The following ATP13A4 variants were observed in gnomAD, a reference collection of about 807,000 sequenced individuals.
ATP13A4 encodes the protein ATPase 13A4.
A neutral mutation model predicts 142.5 loss-of-function variants in ATP13A4; 114 were observed. The observed-to-expected ratio is 0.80, with a 90% CI of 0.69 to 0.93. The LOEUF is 0.93. ATP13A4 is among the 40% of genes least tolerant of loss of function. The pLI is 0.00. For synonymous variants in ATP13A4, 488 were observed against 514.8 expected (o/e 0.95, Z 0.70); for missense variants, 1,392 against 1,454.0 (o/e 0.96, Z 0.69).
At chr3:193,463,990 G>A (rs1185144227) in intron 12 of ATP13A4, among the ~76,000 whole-genome samples, 2 of 152,206 alleles carry the variant, frequency 1.3e-5, no homozygotes, top group African/African-American at 4.8e-5. Flanking sequence ...ATGAATAGTA[G>A]TGATGGTTGC....
intron 25 of ATP13A4, among the ~76,000 whole-genome samples, chr3:193,424,226 G>T (rs1481388008): frequency 6.7e-6 from 1 of 148,990 alleles, no homozygotes; most frequent in East Asian, 2.1e-4. Flanking sequence ...TTGATTGGAA[G>T]AATTAATATT....
rs528216143 is a variant in ATP13A4 at position 193,469,276 on chromosome 3, G to A, written c.943+1583C>T. 2.7e-4 allele frequency among the ~76,000 whole-genome samples: 41 copies of A among 152,318 alleles called. No homozygotes were observed. The South Asian group carries it at 7.9e-3, about 29-fold the overall frequency. On this transcript the variant is annotated intron_variant, in intron 9 of 29. Transcript: ENST00000342695. The stretch of plus-strand genomic sequence containing the variant: ...AAAGTTATAGAGAAGATAGTTTTCA[G>A]AAAGAGAGCTGGTCAGAATAGTCAA...
At chr3:193,572,072 C>A (rs1434068537) in intron 2 of ATP13A4, among the ~76,000 whole-genome samples, 1 of 152,044 alleles carries the variant, frequency 6.6e-6, no homozygotes, top group Non-Finnish European at 1.5e-5. Flanking sequence ...ATGGCAAAAC[C>A]CCGCCTCTAC....
At chr3:193,405,687 T>A (rs1033589990) in intron 29 of ATP13A4, among the ~76,000 whole-genome samples, 1 of 152,104 alleles carries the variant, frequency 6.6e-6, no homozygotes, top group Non-Finnish European at 1.5e-5. Flanking sequence ...GCCACCTACC[T>A]TCAGTCTTCT....
intron 2 of ATP13A4, among the ~76,000 whole-genome samples, chr3:193,509,076 G>A (rs967148668): frequency 2.6e-5 from 4 of 151,858 alleles, no homozygotes; most frequent in Admixed American, 1.3e-4. Context: ...CCAGCACAGT[G>A]AGAAAAAAAA....
chr3:193,441,087 T>C (rs1560188810), intron 20 of ATP13A4, among the ~76,000 whole-genome samples: 1 of 152,006 alleles, frequency 6.6e-6, no homozygotes, highest in Non-Finnish European at 1.5e-5. Context: ...AGTACAGAGG[T>C]CATCTATCAA....
intron 25 of ATP13A4, among the ~76,000 whole-genome samples, chr3:193,424,044 A>G (rs1469540141): frequency 6.7e-6 from 1 of 149,552 alleles, no homozygotes; most frequent in East Asian, 2.1e-4. Context: ...TGAATTATCT[A>G]TAAAAGAAAT....
intron 27 of ATP13A4, among the ~76,000 whole-genome samples, chr3:193,411,556 A>G (rs892301965): frequency 6.6e-6 from 1 of 152,276 alleles, no homozygotes; most frequent in Non-Finnish European, 1.5e-5. Flanking sequence ...GAAAATATTC[A>G]TAAAGGAACT....
chr3:193,491,738 G>T (rs1035504156), intron 5 of ATP13A4, among the ~76,000 whole-genome samples: 2 of 152,062 alleles, frequency 1.3e-5, no homozygotes, highest in South Asian at 4.2e-4. Flanking sequence ...CCTCAATTCC[G>T]GTTTTATTAC....
At chr3:193,531,508 T>A (rs1348044104) in intron 1 of ATP13A4, among the ~76,000 whole-genome samples, 1 of 152,158 alleles carries the variant, frequency 6.6e-6, no homozygotes, top group African/African-American at 2.4e-5. Flanking sequence ...GGTGGTTGAG[T>A]TAGCTAAATT....
At chr3:193,409,820 T>G (rs1392564992) in intron 28 of ATP13A4, among the ~76,000 whole-genome samples, 1 of 152,198 alleles carries the variant, frequency 6.6e-6, no homozygotes, top group Admixed American at 6.5e-5. Context: ...TCTAAGTGCT[T>G]GTTTATATTT....
chr3:193,452,990 C>T (rs1274459509), intron 17 of ATP13A4, among the ~76,000 whole-genome samples: 2 of 151,998 alleles, frequency 1.3e-5, no homozygotes, highest in African/African-American at 4.8e-5. Context: ...TTAACCACTT[C>T]ACAGTCACCT....
chr3:193,473,288 T>C (rs1047753366), intron 8 of ATP13A4, among the ~76,000 whole-genome samples: 81 of 152,266 alleles, frequency 5.3e-4, no homozygotes, highest in African/African-American at 1.9e-3. Context: ...AAGAAAGAAC[T>C]ATAACCATCA....
At chr3:193,546,428 G>A (rs1723230569) in intron 1 of ATP13A4, among the ~76,000 whole-genome samples, 2 of 152,152 alleles carry the variant, frequency 1.3e-5, no homozygotes, top group Non-Finnish European at 2.9e-5. Context: ...CTCAGCTGCA[G>A]CACCCAAATG....
intron 22 of ATP13A4, 67 bp from the exon 23 acceptor site, chr3:193,438,651 A>C: frequency 7.3e-7 from 1 of 1,374,574 alleles, no homozygotes; most frequent in East Asian, 2.3e-5. Context: ...GCCTCATAAG[A>C]AAAGGCCAGT....
intron 25 of ATP13A4, among the ~76,000 whole-genome samples, chr3:193,424,924 A>G (rs975372048): frequency 2.7e-5 from 4 of 149,232 alleles, no homozygotes; most frequent in Non-Finnish European, 4.4e-5. Flanking sequence ...TAAACTATGC[A>G]GTATAATAAA....
At chr3:193,530,482 T>C (rs1722255988) in intron 1 of ATP13A4, among the ~76,000 whole-genome samples, 1 of 152,178 alleles carries the variant, frequency 6.6e-6, no homozygotes, top group African/African-American at 2.4e-5. Context: ...TCTCCCCACG[T>C]TCCCTGAACA....
At chr3:193,576,514 AC>A (rs1314971964) in intron 2 of ATP13A4, among the ~76,000 whole-genome samples, 8 of 145,822 alleles carry the variant, frequency 5.5e-5, no homozygotes, top group Admixed American at 5.4e-4. Flanking sequence ...CTCATGATCC[AC>A]CCGCCTCGGC....
In ATP13A4 at chr3:193,464,968, C is replaced by A. The variant is rs766358203; in HGVS notation, c.1433G>T (p.Gly478Val). 2.5e-6 allele frequency: 4 copies of A among 1,614,058 alleles called. No individual in the cohort carries two copies. Among genetic ancestry groups the A allele is most frequent in the Non-Finnish European group, 2.5e-6 (3 of 1,179,994 alleles). The change falls in exon 12 of 30, where the codon GGA becomes GTA. Residue 478 changes from glycine (G) to valine (V), a missense_variant. By Grantham distance (109) the Gly-to-Val change is moderately radical (BLOSUM62 -3). Transcript: ENST00000342695. ...CISPQRINVC[G>V]QLNLVCFDKT... The stretch of plus-strand genomic sequence containing the variant: ...GTCAAAGCAGACAAGGTTTAACTGT[C>A]CACATACGTTGATCCTCTGGGGGCT...
Sources: gnomAD v4.1 joint callset for allele counts (sites outside exome capture counted in the v4.1 genomes callset) on GRCh38, gnomAD v4.1.1 for gene constraint, MANE v1.5 for transcripts, NCBI Gene and HGNC (gene_info 2026-07-23, HGNC 2026-07-21) for gene names.